TOR1AIP2: variants seen among roughly 807,000 people sequenced by gnomAD.
TOR1AIP2 encodes the protein torsin-1A-interacting protein 2.
TOR1AIP2 carries 20 observed loss-of-function variants against 32.6 expected under a neutral mutation model. That is an observed-to-expected ratio of 0.61 (90% CI 0.43 to 0.89). TOR1AIP2 has a LOEUF of 0.89. Ranked by LOEUF, TOR1AIP2 falls within the 40% of genes least tolerant of loss-of-function variation. The pLI, the probability that TOR1AIP2 is intolerant of heterozygous loss-of-function variation, is 0.00. For synonymous variants in TOR1AIP2, 214 were observed against 210.8 expected, an observed-to-expected ratio of 1.02 and a Z score of -0.13; for missense variants, 456 against 553.8, an observed-to-expected ratio of 0.82 and a Z score of 1.77.
Position 179,845,859 on chromosome 1 carries a change from A to C in TOR1AIP2, c.*212T>G, listed in dbSNP as rs1007441819. 5.9e-6 allele frequency: 3 copies of C among 509,722 alleles called. No homozygotes were observed. The highest frequency in any genetic ancestry group is 1.9e-5 in the African/African-American group (1 of 51,636). The allele number at this position is 509,722 out of a possible 1,614,324, so 31.6% of individuals were successfully genotyped here. The stretch of plus-strand genomic sequence containing the variant: ...AAACCTGATTTGGTCCAAAGAAAAA[A>C]AGTCAGGTTAATTTTTAGCTTTGTC... On this transcript the variant is annotated 3_prime_UTR_variant, in exon 7 of 7. Transcript: ENST00000609928.
At chr1:179,852,200 A>C (rs1283143463) in intron 4 of TOR1AIP2, among the ~76,000 whole-genome samples, 2 of 151,760 alleles carry the variant, frequency 1.3e-5, no homozygotes, top group Middle Eastern at 3.4e-3. Context: ...GAATCACTCG[A>C]GCCCGGGAGG....
intron 3 of TOR1AIP2, chr1:179,858,902 T>G: frequency 1.8e-6 from 1 of 566,104 alleles, no homozygotes; most frequent in East Asian, 1.4e-4. Flanking sequence ...CAGGAAGTAC[T>G]AAGACCATTT....
chr1:179,866,465 T>C (rs566525336), intron 2 of TOR1AIP2, among the ~76,000 whole-genome samples: 2 of 152,178 alleles, frequency 1.3e-5, no homozygotes, highest in African/African-American at 4.8e-5. Context: ...CAGGCTGGAG[T>C]GCAATGGCAC....
At chr1:179,868,660 G>T (rs1198871290) in intron 2 of TOR1AIP2, 1 of 151,922 alleles carries the variant, frequency 6.6e-6, no homozygotes. Flanking sequence ...ACGGGAGAAT[G>T]AATAAATTAA....
At chr1:179,866,693 C>T (rs1297382141) in intron 2 of TOR1AIP2, among the ~76,000 whole-genome samples, 1 of 152,210 alleles carries the variant, frequency 6.6e-6, no homozygotes, top group Non-Finnish European at 1.5e-5. Context: ...GAGTGAGCCA[C>T]CGTGCCCGGG....
At chr1:179,860,488 A>G (rs896917749) in intron 3 of TOR1AIP2, 103 of 985,282 alleles carry the variant, frequency 1.0e-4, no homozygotes, top group Non-Finnish European at 1.2e-4. Flanking sequence ...TCTCAAAAAA[A>G]CAAAACAAAA....
intron 3 of TOR1AIP2, among the ~76,000 whole-genome samples, chr1:179,857,410 G>A (rs988786264): frequency 3.3e-5 from 5 of 152,140 alleles, no homozygotes; most frequent in South Asian, 2.1e-4. Context: ...CCTACTAGAC[G>A]GCCGGCTGAG....
intron 1 of TOR1AIP2, 28 bp downstream of exon 1, chr1:179,877,665 A>G (rs1444602825): frequency 1.3e-5 from 2 of 152,244 alleles, no homozygotes; most frequent in Non-Finnish European, 2.9e-5. Context: ...AAACATGGAA[A>G]AGCTGCATAG....
rs1695692308 is a variant in TOR1AIP2, at chr1:179,840,710, C to T, written c.*5361G>A. The T allele has an allele frequency of 7.5e-6, 1 of 134,016 alleles. No individual in the cohort carries two copies. Among genetic ancestry groups the T allele is most frequent in the Admixed American group, 9.2e-5 (1 of 10,874 alleles). 8.3% of individuals were successfully genotyped at this position (134,016 alleles called of 1,614,324 possible). On this transcript the variant is annotated 3_prime_UTR_variant, in exon 7 of 7. Coordinates refer to ENST00000609928, the MANE Select transcript of TOR1AIP2 (RefSeq NM_001199260.2). ...ATTGAACAAAGAAAACACTTGGACACAGGGCAGGGAACATCACACACTGGG... is the reference window on the plus strand; with the variant it reads ...ATTGAACAAAGAAAACACTTGGACATAGGGCAGGGAACATCACACACTGGG...
intron 4 of TOR1AIP2, among the ~76,000 whole-genome samples, chr1:179,852,285 A>G (rs376707555): frequency 1.3e-5 from 2 of 151,846 alleles, no homozygotes; most frequent in South Asian, 2.1e-4. Context: ...AAAGGAGAAG[A>G]AGAGGAAGAA....
Position 179,846,776 on chromosome 1 carries a change from A to G in TOR1AIP2, c.708T>C (p.Asn236=). ...GCTGGGCTGGAGAGGAATAGTAGCTATTCACAGAACTTGCCACAACAGCCA... is the reference window on the plus strand; with the variant it reads ...GCTGGGCTGGAGAGGAATAGTAGCTGTTCACAGAACTTGCCACAACAGCCA... ...LVVAVVASSV[N]SYYSSPAQQV... Residue 236 remains asparagine (N), a synonymous_variant, in exon 7 of 7, where the codon AAT becomes AAC. Coordinates refer to ENST00000609928, the MANE Select transcript of TOR1AIP2 (RefSeq NM_001199260.2). The G allele has an allele frequency of 1.2e-6, 2 of 1,613,206 alleles. No homozygotes were observed. The highest frequency in any genetic ancestry group is 1.7e-6 in the Non-Finnish European group (2 of 1,179,540).
At chr1:179,855,097 A>C (rs984353610) in intron 3 of TOR1AIP2, among the ~76,000 whole-genome samples, 1 of 152,242 alleles carries the variant, frequency 6.6e-6, no homozygotes, top group Non-Finnish European at 1.5e-5. Flanking sequence ...TATTCATATA[A>C]AAATCAACTC....
At chr1:179,875,694 C>T (rs1647260124) in intron 2 of TOR1AIP2, 1 of 151,252 alleles carries the variant, frequency 6.6e-6, no homozygotes, top group Non-Finnish European at 1.5e-5. Context: ...GTGCACAGTT[C>T]ATACCAGAGC....
At position 179,846,501 on chromosome 1, in the gene TOR1AIP2, A is replaced by C; in HGVS notation, c.983T>G (p.Ile328Ser). The C allele has an allele frequency of 6.2e-7, 1 of 1,614,100 alleles. No homozygotes were observed. Among genetic ancestry groups the C allele is most frequent in the Non-Finnish European group, 8.5e-7 (1 of 1,180,012 alleles). The change falls in exon 7 of 7, where the codon ATT becomes AGT. Residue 328 changes from isoleucine to serine, a missense_variant. Coordinates refer to ENST00000609928, the MANE Select transcript of TOR1AIP2 (RefSeq NM_001199260.2). ...AYTSSQKVSP[I>S]QIDGAGRTWQ... ...GGTCCTTCCAGCCCCATCAATCTGAATGGGAGAGACTTTCTGGGAAGAGGT... is the reference window on the plus strand; with the variant it reads ...GGTCCTTCCAGCCCCATCAATCTGACTGGGAGAGACTTTCTGGGAAGAGGT...
At position 179,846,562 on chromosome 1, in the gene TOR1AIP2, G is replaced by C. The variant is rs767185491; in HGVS notation, c.922C>G (p.Leu308Val). The stretch of plus-strand genomic sequence containing the variant: ...GCAACATGGTGGCTCAGGCACTTCA[G>C]GGTCTCTCTTCCCTCCCGAGCTGCT... The part of the protein sequence containing the change: ...FTAAREGRET[L>V]KCLSHHVADA... Residue 308 changes from leucine to valine, a missense_variant, in exon 7 of 7, where the codon CTG (leucine) becomes GTG (valine). Physicochemically the swap from Leu to Val is conservative, Grantham distance 32 (BLOSUM62 1). Coordinates refer to ENST00000609928, the MANE Select transcript of TOR1AIP2 (RefSeq NM_001199260.2). 32 of 1,614,082 alleles carry C rather than the reference G, an allele frequency of 2.0e-5. No individual in the cohort carries two copies. In the South Asian group the frequency reaches 3.2e-4, roughly 16 times the overall value.
At position 179,840,274 on chromosome 1, in the gene TOR1AIP2, C is replaced by T. The variant is rs1695679820; in HGVS notation, c.*5797G>A. The T allele has an allele frequency of 6.6e-6, 1 of 152,168 alleles. No individual in the cohort carries two copies. Among genetic ancestry groups the T allele is most frequent in the African/African-American group, 2.4e-5 (1 of 41,436 alleles). The allele number at this position is 152,168 out of a possible 1,614,324, so 9.4% of individuals were successfully genotyped here. On this transcript the variant is annotated 3_prime_UTR_variant, in exon 7 of 7. Transcript: ENST00000609928. ...GCCTGGAGCTTTGTGTTGATGCGTCCTCAGGCCTAGAAGGAACACAGAGAG... is the reference window on the plus strand; with the variant it reads ...GCCTGGAGCTTTGTGTTGATGCGTCTTCAGGCCTAGAAGGAACACAGAGAG...
chr1:179,877,007 A>G lies in TOR1AIP2; in HGVS notation c.-566+232T>C, dbSNP rs1190687067. Among the ~76,000 whole-genome samples, 3 of 150,356 alleles carry G rather than the reference A, an allele frequency of 2.0e-5. 1 individual carries two copies. Among genetic ancestry groups the G allele is most frequent in the African/African-American group, 7.3e-5 (3 of 40,870 alleles). On this transcript the variant is annotated intron_variant, in intron 2 of 6. Transcript: ENST00000609928. ...GCACCAATTTTTTTTTTTTTTAAGT[A>G]TTATCTTTTCAGGATTAAGATTATG...
In TOR1AIP2 at chr1:179,841,292, TAAAC is replaced by T. The variant is rs369861370; in HGVS notation, c.*4775_*4778del. Reference sequence around the variant, plus strand: ...TTAAAATGAAATATGCTCAGGCTGATAAACAAACAAGATATTAAAATGGAGACTG... The same window carrying T: ...TTAAAATGAAATATGCTCAGGCTGATAAACAAGATATTAAAATGGAGACTG... On this transcript the variant is annotated 3_prime_UTR_variant, in exon 7 of 7. Coordinates refer to ENST00000609928, the MANE Select transcript of TOR1AIP2 (RefSeq NM_001199260.2). The T allele has an allele frequency of 4.7e-4, 71 of 152,304 alleles. No homozygotes were observed. The highest frequency in any genetic ancestry group is 1.6e-3 in the African/African-American group (67 of 41,570). 9.4% of individuals were successfully genotyped at this position (152,304 alleles called of 1,614,324 possible).
intron 3 of TOR1AIP2, 80 bp downstream of exon 3, chr1:179,865,356 G>A (rs568664863): frequency 2.6e-5 from 19 of 739,164 alleles, no homozygotes; most frequent in South Asian, 2.3e-4. Context: ...TCAAGATTTC[G>A]TTGTCTATTT....
Sources: gnomAD v4.1 joint callset for allele counts (sites outside exome capture counted in the v4.1 genomes callset) on GRCh38, gnomAD v4.1.1 for gene constraint, MANE v1.5 for transcripts, NCBI Gene and HGNC (gene_info 2026-07-23, HGNC 2026-07-21) for gene names.